The following CREB5 variants were observed in gnomAD, a reference collection of about 807,000 sequenced individuals.
CREB5 encodes the protein cyclic AMP-responsive element-binding protein 5.
In CREB5, 19 loss-of-function variants were observed where a neutral mutation model predicts 57.1. The observed-to-expected ratio is 0.33, with a 90% CI of 0.23 to 0.49. The LOEUF is 0.49. CREB5 is among the 20% of genes least tolerant of loss of function. CREB5 has a pLI of 0.99. For synonymous variants in CREB5, 238 were observed against 238.3 expected (o/e 1.00, Z 0.01); for missense variants, 579 against 671.6 (o/e 0.86, Z 1.52).
chr7:28,750,153 T>C (rs1804899305), intron 7 of CREB5, among the ~76,000 whole-genome samples: 1 of 152,308 alleles, frequency 6.6e-6, no homozygotes, highest in Non-Finnish European at 1.5e-5. Context: ...CATATCTTTA[T>C]GTTGTAGAGC....
intron 1 of CREB5, among the ~76,000 whole-genome samples, chr7:28,468,040 C>T (rs759198706): frequency 3.9e-5 from 6 of 152,116 alleles, no homozygotes; most frequent in Non-Finnish European, 8.8e-5. Flanking sequence ...GAACACAGTG[C>T]GTGGGTACAG....
chr7:28,705,066 A>G (rs753373273), intron 5 of CREB5, among the ~76,000 whole-genome samples: 5 of 152,210 alleles, frequency 3.3e-5, no homozygotes, highest in African/African-American at 9.6e-5. Context: ...GAATCTGAAG[A>G]AAAAAACCAA....
chr7:28,437,389 C>T (rs569193783), intron 1 of CREB5, among the ~76,000 whole-genome samples: 28 of 152,122 alleles, frequency 1.8e-4, no homozygotes, highest in African/African-American at 4.3e-4. Context: ...CTTGGTACTC[C>T]GAATCACTCT....
rs1382287502 is a variant in CREB5 at position 28,560,953 on chromosome 7, T to TG, written c.292-9411dup. On this transcript the variant is annotated intron_variant, in intron 4 of 10. Transcript: ENST00000357727. ...GCGTGTGTGCGTGCGTGTGTGTGCG[T>TG]GTGTGTGCGTGTGTGTGTGCGTGTG... 3.5e-3 allele frequency among the ~76,000 whole-genome samples: 163 copies of TG among 47,148 alleles called. 9 individuals carry two copies. Among genetic ancestry groups the TG allele is most frequent in the African/African-American group, 0.015 (152 of 10,206 alleles). The allele number at this position is 47,148 out of a possible 152,430, so 30.9% of individuals were successfully genotyped here.
chr7:28,320,738 T>C (rs1167752357), intron 1 of CREB5, among the ~76,000 whole-genome samples: 1 of 152,256 alleles, frequency 6.6e-6, no homozygotes, highest in Non-Finnish European at 1.5e-5. Flanking sequence ...TCCACTTCAC[T>C]CTACAGAGTC....
At position 28,823,992 on chromosome 7, in the gene CREB5, TTC is replaced by T. The variant is rs1417490216; in HGVS notation, c.*4717_*4718del. The T allele has an allele frequency of 6.6e-6, 1 of 152,648 alleles. No individual in the cohort carries two copies. The highest frequency in any genetic ancestry group is 1.5e-5 in the Non-Finnish European group (1 of 68,034). 9.5% of individuals were successfully genotyped at this position (152,648 alleles called of 1,614,324 possible). On this transcript the variant is annotated 3_prime_UTR_variant, in exon 11 of 11. Coordinates refer to ENST00000357727, the MANE Select transcript of CREB5 (RefSeq NM_182898.4). ...TTTTGATCCCTTTGTATTTCTCTTATTCTCTTTCTAACCTCTTCTCTGTCCTC... is the reference window on the plus strand; with the variant it reads ...TTTTGATCCCTTTGTATTTCTCTTATTCTTTCTAACCTCTTCTCTGTCCTC...
At chr7:28,474,398 T>G (rs1305816616) in intron 1 of CREB5, among the ~76,000 whole-genome samples, 1 of 152,138 alleles carries the variant, frequency 6.6e-6, no homozygotes, top group Non-Finnish European at 1.5e-5. Context: ...GGGGCTGTGT[T>G]TTGTAGGCAG....
intron 1 of CREB5, among the ~76,000 whole-genome samples, chr7:28,300,175 G>A (rs1001829529): frequency 4.6e-5 from 7 of 151,742 alleles, no homozygotes; most frequent in Admixed American, 3.9e-4. Context: ...TCCATTACCC[G>A]TGCAAGGATT....
intron 1 of CREB5, among the ~76,000 whole-genome samples, chr7:28,448,020 A>G (rs1789575137): frequency 6.6e-6 from 1 of 152,198 alleles, no homozygotes; most frequent in South Asian, 2.1e-4. Context: ...GTGTTGCCAA[A>G]AGAGATTAAC....
chr7:28,699,701 G>T (rs1426888110), intron 5 of CREB5, among the ~76,000 whole-genome samples: 1 of 152,076 alleles, frequency 6.6e-6, no homozygotes, highest in Admixed American at 6.6e-5. Flanking sequence ...CTTGGAAAAG[G>T]CTTTTTAGAA....
intron 5 of CREB5, among the ~76,000 whole-genome samples, chr7:28,671,243 G>A (rs1562562016): frequency 1.3e-5 from 2 of 149,834 alleles, no homozygotes; most frequent in Non-Finnish European, 3.0e-5. Context: ...GTGACAGAGT[G>A]AGACCCTGTC....
chr7:28,683,019 G>T (rs758063068), intron 5 of CREB5, among the ~76,000 whole-genome samples: 8 of 152,184 alleles, frequency 5.3e-5, no homozygotes, highest in Admixed American at 3.9e-4. Flanking sequence ...AGGATGACAC[G>T]CTCTGCAAAG....
chr7:28,457,256 A>G (rs1243549817), intron 1 of CREB5, among the ~76,000 whole-genome samples: 2 of 152,176 alleles, frequency 1.3e-5, no homozygotes, highest in Non-Finnish European at 2.9e-5. Flanking sequence ...TAATTTCAAC[A>G]TGAATTTTGG....
At chr7:28,570,905 A>G (rs967131654) in intron 5 of CREB5, among the ~76,000 whole-genome samples, 1 of 152,098 alleles carries the variant, frequency 6.6e-6, no homozygotes, top group Non-Finnish European at 1.5e-5. Context: ...CTTGTCTCCA[A>G]CAGAGTGTGC....
At chr7:28,410,104 C>A (rs942570347), upstream of CREB5, 4 of 392,574 alleles carry the variant, frequency 1.0e-5, no homozygotes, top group Admixed American at 5.9e-5. Context: ...CTCCCCGGTG[C>A]GGAGCTGCAG....
intron 1 of CREB5, among the ~76,000 whole-genome samples, chr7:28,359,224 T>A (rs74455627): frequency 9.5e-4 from 130 of 136,542 alleles, no homozygotes; most frequent in South Asian, 1.2e-3. Flanking sequence ...ACAAAACAAA[T>A]AAAAAAAAAA....
chr7:28,467,528 C>T (rs994679266), intron 1 of CREB5, among the ~76,000 whole-genome samples: 1 of 152,162 alleles, frequency 6.6e-6, no homozygotes, highest in African/African-American at 2.4e-5. Flanking sequence ...GCAGACCTAA[C>T]ACCTGCTCAC....
At chr7:28,638,693 T>C (rs1798525897) in intron 5 of CREB5, among the ~76,000 whole-genome samples, 1 of 152,150 alleles carries the variant, frequency 6.6e-6, no homozygotes, top group African/African-American at 2.4e-5. Context: ...ACCAATACAA[T>C]TGATATTATT....
chr7:28,675,155 A>C (rs903939559), intron 5 of CREB5, among the ~76,000 whole-genome samples: 1 of 152,162 alleles, frequency 6.6e-6, no homozygotes, highest in Non-Finnish European at 1.5e-5. Context: ...TCTTCACCAC[A>C]TCCAATGCTC....
Sources: gnomAD v4.1 joint callset for allele counts (sites outside exome capture counted in the v4.1 genomes callset) on GRCh38, gnomAD v4.1.1 for gene constraint, MANE v1.5 for transcripts, NCBI Gene and HGNC (gene_info 2026-07-23, HGNC 2026-07-21) for gene names.